Variants in MIPEP observed in about 807,000 individuals in gnomAD.
The protein encoded by MIPEP is mitochondrial intermediate peptidase.
A neutral mutation model predicts 90.3 loss-of-function variants in MIPEP; 79 were observed. The observed-to-expected ratio is 0.87, with a 90% CI of 0.73 to 1.05. The LOEUF (loss-of-function observed/expected upper bound fraction) is 1.05, where lower values mean the gene tolerates loss of function less well. MIPEP is among the 50% of genes least tolerant of loss of function. MIPEP has a pLI of 0.00. For missense variants in MIPEP, 940 were observed against 905.6 expected, an observed-to-expected ratio of 1.04 and a Z score of -0.49; for synonymous variants, 334 against 315.8, an observed-to-expected ratio of 1.06 and a Z score of -0.61.
At chr13:23,757,246 C>T (rs555899344) in intron 17 of MIPEP, among the ~76,000 whole-genome samples, 34 of 151,664 alleles carry the variant, frequency 2.2e-4, no homozygotes, top group Non-Finnish European at 2.2e-4. Context: ...GGATCACATG[C>T]GCAGTTCACA....
intron 16 of MIPEP, among the ~76,000 whole-genome samples, chr13:23,774,374 G>A (rs1345133654): frequency 6.6e-6 from 1 of 151,996 alleles, no homozygotes; most frequent in Non-Finnish European, 1.5e-5. Context: ...TTTCAAGATT[G>A]TTTTGGCTAT....
intron 16 of MIPEP, among the ~76,000 whole-genome samples, chr13:23,791,675 C>T (rs573909332): frequency 1.3e-5 from 2 of 151,784 alleles, no homozygotes; most frequent in South Asian, 4.2e-4. Context: ...ACATATTATT[C>T]ACCTCGTTAA....
intron 2 of MIPEP, among the ~76,000 whole-genome samples, chr13:23,884,841 A>G (rs1871408120): frequency 6.6e-6 from 1 of 152,196 alleles, no homozygotes; most frequent in Admixed American, 6.5e-5. Flanking sequence ...TGAGGGAAAA[A>G]CCTATGCAGT....
intron 4 of MIPEP, among the ~76,000 whole-genome samples, chr13:23,875,848 T>A (rs1011875665): frequency 6.6e-6 from 1 of 152,194 alleles, no homozygotes; most frequent in Non-Finnish European, 1.5e-5. Context: ...ATATTATATA[T>A]TTAGAATAAT....
chr13:23,816,355 C>T (rs1953237984), intron 14 of MIPEP, among the ~76,000 whole-genome samples: 1 of 152,154 alleles, frequency 6.6e-6, no homozygotes, highest in African/African-American at 2.4e-5. Flanking sequence ...TTCCCATCCC[C>T]TACTCCTTTC....
intron 12 of MIPEP, among the ~76,000 whole-genome samples, chr13:23,839,263 T>C (rs17079414): frequency 0.11 from 16,104 of 152,272 alleles, 923 homozygotes; most frequent in South Asian, 0.19. Context: ...CTAGCACTTC[T>C]GGCCAAGTAG....
At chr13:23,736,134 A>T (rs1249875065) in intron 18 of MIPEP, among the ~76,000 whole-genome samples, 1 of 152,190 alleles carries the variant, frequency 6.6e-6, no homozygotes, top group Non-Finnish European at 1.5e-5. Context: ...ACTCCAACCA[A>T]GGTGGATGGA....
At chr13:23,774,420 A>G (rs1952689148) in intron 16 of MIPEP, among the ~76,000 whole-genome samples, 1 of 152,132 alleles carries the variant, frequency 6.6e-6, no homozygotes. Flanking sequence ...AAATTTTATT[A>G]GATTTGTCAT....
At chr13:23,870,728 C>A (rs963720314) in intron 5 of MIPEP, among the ~76,000 whole-genome samples, 1 of 152,038 alleles carries the variant, frequency 6.6e-6, no homozygotes, top group Non-Finnish European at 1.5e-5. Flanking sequence ...TCGCTCGAAC[C>A]CAGGAGGCGG....
chr13:23,836,371 A>AT (rs1285350491), intron 13 of MIPEP, 22 bp from the exon 14 acceptor site: 2 of 1,414,894 alleles, frequency 1.4e-6, no homozygotes, highest in East Asian at 4.7e-5. Flanking sequence ...AAAAAAAAAA[A>AT]GTTGGCATGA....
At chr13:23,844,221 G>A (rs1869434017) in intron 10 of MIPEP, among the ~76,000 whole-genome samples, 1 of 152,104 alleles carries the variant, frequency 6.6e-6, no homozygotes, top group South Asian at 2.1e-4. Context: ...AGAGGGAGGG[G>A]TGGGAAGGAA....
At position 23,870,073 on chromosome 13, in the gene MIPEP, A is replaced by C. The variant is rs895681641; in HGVS notation, c.726T>G (p.Phe242Leu). 6.2e-7 allele frequency: 1 copy of C among 1,612,970 alleles called. No homozygotes were observed. The highest frequency in any genetic ancestry group is 8.5e-7 in the Non-Finnish European group (1 of 1,179,448). The change falls in exon 6 of 19, where the codon TTT becomes TTG. Residue 242 changes from phenylalanine to leucine, a missense_variant. Phe to Leu is a conservative substitution (Grantham distance 22). Coordinates refer to ENST00000382172, the MANE Select transcript of MIPEP (RefSeq NM_005932.4). Reference protein sequence around the residue: ...HLLPEHIRRNFTSAGDHIIID... With the variant: ...HLLPEHIRRNLTSAGDHIIID... The stretch of plus-strand genomic sequence containing the variant: ...TTATGATATGATCCCCAGCAGATGT[A>C]AAGTTACGACGAATGTGTTCTGGTA...
At chr13:23,732,862 A>T (rs1256157672) in intron 18 of MIPEP, among the ~76,000 whole-genome samples, 1 of 152,246 alleles carries the variant, frequency 6.6e-6, no homozygotes, top group Non-Finnish European at 1.5e-5. Flanking sequence ...GTGTACATGC[A>T]TCAAAATTCA....
At position 23,789,335 on chromosome 13, in the gene MIPEP, T is replaced by C. The variant is rs865992544; in HGVS notation, c.1848+16615A>G. Among the ~76,000 whole-genome samples the C allele has an allele frequency of 1.5e-4, 23 of 152,354 alleles. 1 individual carries two copies. The highest frequency in any genetic ancestry group is 4.8e-4 in the African/African-American group (20 of 41,594). The stretch of plus-strand genomic sequence containing the variant: ...ATTACATTTACCAACCTTCTCTAAA[T>C]GAAAAAGAGCTATCTGTCTATAGAA... On this transcript the variant is annotated intron_variant, in intron 16 of 18. Transcript: ENST00000382172.
intron 4 of MIPEP, among the ~76,000 whole-genome samples, chr13:23,876,133 C>T (rs1871063532): frequency 6.6e-6 from 1 of 152,074 alleles, no homozygotes; most frequent in African/African-American, 2.4e-5. Flanking sequence ...TATATATTAC[C>T]AAATGCTCCT....
intron 18 of MIPEP, among the ~76,000 whole-genome samples, chr13:23,751,684 G>A (rs1952443038): frequency 6.6e-6 from 1 of 152,180 alleles, no homozygotes; most frequent in African/African-American, 2.4e-5. Context: ...AAGAAAGAGA[G>A]CATAAGGAAT....
intron 15 of MIPEP, among the ~76,000 whole-genome samples, chr13:23,807,496 G>C (rs1214538111): frequency 6.6e-6 from 1 of 152,182 alleles, no homozygotes; most frequent in Non-Finnish European, 1.5e-5. Context: ...GCTGCATCTA[G>C]ATATAGAATT....
At chr13:23,834,706 TC>T (rs1868946453) in intron 14 of MIPEP, among the ~76,000 whole-genome samples, 1 of 152,054 alleles carries the variant, frequency 6.6e-6, no homozygotes, top group Admixed American at 6.6e-5. Context: ...GCACTTCTCC[TC>T]CCCAGCCTCC....
intron 6 of MIPEP, 87 bp downstream of exon 6, chr13:23,869,926 A>T (rs1307407222): frequency 9.3e-7 from 1 of 1,071,046 alleles, no homozygotes; most frequent in Non-Finnish European, 1.3e-6. Context: ...TTTTAAGGAT[A>T]CTATTATATT....
Sources: allele counts gnomAD v4.1 joint callset (sites outside exome capture counted in the v4.1 genomes callset), GRCh38; gene constraint gnomAD v4.1.1; transcripts MANE v1.5; gene names NCBI Gene and HGNC (gene_info 2026-07-23, HGNC 2026-07-21).